DHRS3: variants seen among roughly 807,000 people sequenced by gnomAD.
The protein encoded by DHRS3 is short-chain dehydrogenase/reductase 3.
In DHRS3, 14 loss-of-function variants were observed where a neutral mutation model predicts 27.2. That is an observed-to-expected ratio of 0.52 (90% confidence interval 0.34 to 0.81). The LOEUF is 0.81. DHRS3 is among the 30% of genes least tolerant of loss of function. The pLI is 0.01. For missense variants in DHRS3, 322 were observed against 406.2 expected, an observed-to-expected ratio of 0.79 and a Z score of 1.78; for synonymous variants, 165 against 175.9, an observed-to-expected ratio of 0.94 and a Z score of 0.49.
In DHRS3 at chr1:12,581,693, G is replaced by A. The variant is rs1273341073; in HGVS notation, c.196-1027C>T. Among the ~76,000 whole-genome samples the A allele has an allele frequency of 2.0e-5, 3 of 152,162 alleles. No homozygotes were observed. The South Asian group carries it at 6.2e-4, about 32-fold the overall frequency. On this transcript the variant is annotated intron_variant, in intron 1 of 5. Coordinates refer to ENST00000616661, the MANE Select transcript of DHRS3 (RefSeq NM_004753.7). ...AACGGAGGACGACGCACCTCCCCAC[G>A]ATGTGTCACTGGGGTCAGTGAGGCC... is the stretch of plus-strand genomic sequence containing the variant.
At chr1:12,583,590 T>TCC (rs1646666003) in intron 1 of DHRS3, among the ~76,000 whole-genome samples, 1 of 94,846 alleles carries the variant, frequency 1.1e-5, no homozygotes, top group African/African-American at 4.5e-5. Context: ...CTCACCTACT[T>TCC]ATCCATCCAT....
chr1:12,601,831 C>T (rs548720378), intron 1 of DHRS3, among the ~76,000 whole-genome samples: 2 of 152,280 alleles, frequency 1.3e-5, no homozygotes, highest in East Asian at 3.9e-4. Flanking sequence ...GATAACGGTA[C>T]CCACGCTGGA....
rs543852905 is a variant in DHRS3, at chr1:12,578,621, A to G, written c.698+97T>C. On this transcript the variant is annotated intron_variant, in intron 4 of 5. Coordinates refer to ENST00000616661, the MANE Select transcript of DHRS3 (RefSeq NM_004753.7). This position sits in a 1 kb window ranked among gnomAD's most constrained non-coding sequence, Gnocchi z 4.5. ...GGTATGAGGCACCGTGCCTAGCCCGATTTTTATATCAGAGCTCTTTCTGCA... is the reference window on the plus strand; with the variant it reads ...GGTATGAGGCACCGTGCCTAGCCCGGTTTTTATATCAGAGCTCTTTCTGCA... The G allele has an allele frequency of 4.6e-6, 6 of 1,315,356 alleles. No homozygotes were observed. The African/African-American group carries it at 8.7e-5, about 19-fold the overall frequency. The allele number at this position is 1,315,356 out of a possible 1,614,324, so 81.5% of individuals were successfully genotyped here.
chr1:12,602,725 G>C (rs1390964105), intron 1 of DHRS3, among the ~76,000 whole-genome samples: 1 of 152,226 alleles, frequency 6.6e-6, no homozygotes, highest in East Asian at 1.9e-4. Flanking sequence ...TCATTTTTCA[G>C]ATGAGGGAAC....
intron 1 of DHRS3, among the ~76,000 whole-genome samples, chr1:12,604,138 C>A (rs541431086): frequency 6.6e-6 from 1 of 152,190 alleles, no homozygotes; most frequent in Admixed American, 6.5e-5. Context: ...CTACAACCAG[C>A]AGAAAAATGG....
At chr1:12,607,815 T>C (rs1646880942) in intron 1 of DHRS3, among the ~76,000 whole-genome samples, 1 of 152,088 alleles carries the variant, frequency 6.6e-6, no homozygotes, top group South Asian at 2.1e-4. Flanking sequence ...ATGAAGTTTA[T>C]GTTGAGAAAT....
At chr1:12,604,830 C>T (rs944050960) in intron 1 of DHRS3, among the ~76,000 whole-genome samples, 6 of 152,138 alleles carry the variant, frequency 3.9e-5, no homozygotes, top group Non-Finnish European at 8.8e-5. Flanking sequence ...GCGGGTGGAT[C>T]ACAAGGTCAA....
Position 12,574,633 on chromosome 1 carries a change from T to C in DHRS3, c.699-1780A>G, listed in dbSNP as rs563775773. Among the ~76,000 whole-genome samples the C allele has an allele frequency of 6.6e-6, 1 of 152,166 alleles. No individual in the cohort carries two copies. The highest frequency in any genetic ancestry group is 2.4e-5 in the African/African-American group (1 of 41,436). ...TTCCACCTGTGGCCTGGCCTGTCTC[T>C]TGGGAAAGGGAAGGCAGGATGGACA... On this transcript the variant is annotated intron_variant, in intron 4 of 5. Transcript: ENST00000616661. The surrounding 1 kb of genome is among the most constrained non-coding windows in gnomAD (Gnocchi z 4.6).
chr1:12,591,480 A>T lies in DHRS3; in HGVS notation c.196-10814T>A, dbSNP rs539742769. 1.6e-4 allele frequency among the ~76,000 whole-genome samples: 24 copies of T among 152,302 alleles called. No homozygotes were observed. In the East Asian group the frequency reaches 4.3e-3, roughly 27 times the overall value. On this transcript the variant is annotated intron_variant, in intron 1 of 5. Transcript: ENST00000616661. The surrounding 1 kb of genome is among the most constrained non-coding windows in gnomAD (Gnocchi z 4.1). The stretch of plus-strand genomic sequence containing the variant: ...GATCAGCCAGTGGTGTCGCCCTCCC[A>T]CAAGTCCCTGACCGCAACCTGGAGC...
chr1:12,597,427 A>G (rs756240315), intron 1 of DHRS3, among the ~76,000 whole-genome samples: 6 of 152,262 alleles, frequency 3.9e-5, no homozygotes, highest in Non-Finnish European at 7.3e-5. Flanking sequence ...AACAAGGCAC[A>G]GCTGAACTCC....
chr1:12,593,033 G>T lies in DHRS3; in HGVS notation c.196-12367C>A, dbSNP rs1646759550. On this transcript the variant is annotated intron_variant, in intron 1 of 5. Coordinates refer to ENST00000616661, the MANE Select transcript of DHRS3 (RefSeq NM_004753.7). This position sits in a 1 kb window ranked among gnomAD's most constrained non-coding sequence, Gnocchi z 4.6. ...GTGGACCCCTCACCTGGTCCCAAAAGGTCACTTGGCTGCTACCTTTGCCCC... is the reference window on the plus strand; with the variant it reads ...GTGGACCCCTCACCTGGTCCCAAAATGTCACTTGGCTGCTACCTTTGCCCC... Among the ~76,000 whole-genome samples, 1 of 152,084 alleles carries T rather than the reference G, an allele frequency of 6.6e-6. No homozygotes were observed. Among genetic ancestry groups the T allele is most frequent in the Admixed American group, 6.5e-5 (1 of 15,268 alleles).
intron 1 of DHRS3, among the ~76,000 whole-genome samples, chr1:12,596,770 G>C (rs1646800831): frequency 6.6e-6 from 1 of 152,150 alleles, no homozygotes. Context: ...CCCTGTGCTG[G>C]TGTGGGGAAG....
rs1646756492 is a variant in DHRS3 at position 12,592,711 on chromosome 1, G to A, written c.196-12045C>T. Among the ~76,000 whole-genome samples, 1 of 152,188 alleles carries A rather than the reference G, an allele frequency of 6.6e-6. No homozygotes were observed. Among genetic ancestry groups the A allele is most frequent in the Non-Finnish European group, 1.5e-5 (1 of 68,038 alleles). ...ATTGACAGGAAACTAACACAAATGGGCTCCATTATCCTCATTCAATAGAGG... is the reference window on the plus strand; with the variant it reads ...ATTGACAGGAAACTAACACAAATGGACTCCATTATCCTCATTCAATAGAGG... On this transcript the variant is annotated intron_variant, in intron 1 of 5. Coordinates refer to ENST00000616661, the MANE Select transcript of DHRS3 (RefSeq NM_004753.7). This position sits in a 1 kb window ranked among gnomAD's most constrained non-coding sequence, Gnocchi z 4.2.
Position 12,578,003 on chromosome 1 carries a change from C to CA in DHRS3, c.698+714dup, listed in dbSNP as rs1374678386. ...TCGCCTCCCTCCCAGGTTACACCCC[C>CA]AGCCCTCCAGGGGAAGCCACGGGTC... On this transcript the variant is annotated intron_variant, in intron 4 of 5. Transcript: ENST00000616661. This position sits in a 1 kb window ranked among gnomAD's most constrained non-coding sequence, Gnocchi z 4.5. Among the ~76,000 whole-genome samples the CA allele has an allele frequency of 1.3e-5, 2 of 152,206 alleles. No individual in the cohort carries two copies. Among genetic ancestry groups the CA allele is most frequent in the African/African-American group, 4.8e-5 (2 of 41,440 alleles).
chr1:12,607,920 C>T lies in DHRS3; in HGVS notation c.195+9234G>A, dbSNP rs575148430. 2.6e-5 allele frequency among the ~76,000 whole-genome samples: 4 copies of T among 152,168 alleles called. No homozygotes were observed. The South Asian group carries it at 8.3e-4, about 32-fold the overall frequency. On this transcript the variant is annotated intron_variant, in intron 1 of 5. Transcript: ENST00000616661. ...AAAGACGCAGTCTTGCTCTGTTGCCCAGGCTGAAGTGCAGTGGTGCGATCT... is the reference window on the plus strand; with the variant it reads ...AAAGACGCAGTCTTGCTCTGTTGCCTAGGCTGAAGTGCAGTGGTGCGATCT...
chr1:12,587,952 G>A (rs1441522958), intron 1 of DHRS3, among the ~76,000 whole-genome samples: 2 of 152,200 alleles, frequency 1.3e-5, no homozygotes, highest in Non-Finnish European at 2.9e-5. Flanking sequence ...GTGAGGGAGG[G>A]AGCCTGCCGG....
chr1:12,616,603 G>C (rs144653436), intron 1 of DHRS3: 2 of 986,462 alleles, frequency 2.0e-6, no homozygotes, highest in Non-Finnish European at 2.4e-6. Flanking sequence ...GGGCCTCTCA[G>C]TGTCGGTCCG....
intron 1 of DHRS3, among the ~76,000 whole-genome samples, chr1:12,588,954 G>C (rs541702188): frequency 6.6e-6 from 1 of 152,354 alleles, no homozygotes; most frequent in Admixed American, 6.5e-5. Context: ...CTTCTCAGAG[G>C]GAAAGAAAAT....
In DHRS3 at chr1:12,592,785, A is replaced by G. The variant is rs908492347; in HGVS notation, c.196-12119T>C. Among the ~76,000 whole-genome samples the G allele has an allele frequency of 3.3e-5, 5 of 152,214 alleles. No individual in the cohort carries two copies. The highest frequency in any genetic ancestry group is 7.4e-5 in the Non-Finnish European group (5 of 68,026). ...GGCTCCCGAGGCTGGGAAGTGACGG[A>G]GGCTGCTTCCCCTCCACACCACTCC... On this transcript the variant is annotated intron_variant, in intron 1 of 5. Coordinates refer to ENST00000616661, the MANE Select transcript of DHRS3 (RefSeq NM_004753.7). The surrounding 1 kb of genome is among the most constrained non-coding windows in gnomAD (Gnocchi z 4.2).
Sources: gnomAD v4.1 joint callset for allele counts (sites outside exome capture counted in the v4.1 genomes callset) on GRCh38, gnomAD v4.1.1 for gene constraint, Gnocchi (gnomAD v3.1) non-coding constraint, MANE v1.5 for transcripts, NCBI Gene and HGNC (gene_info 2026-07-23, HGNC 2026-07-21) for gene names.